The following PARD3B variants were observed in gnomAD, a reference collection of about 807,000 sequenced individuals.
PARD3B encodes the protein partitioning defective 3 homolog B.
A neutral mutation model predicts 130.2 loss-of-function variants in PARD3B; 103 were observed. The observed-to-expected ratio is 0.79, with a 90% CI of 0.67 to 0.93. PARD3B has a LOEUF of 0.93. Ranked by LOEUF, PARD3B falls within the 40% of genes least tolerant of loss-of-function variation. The pLI is 0.00. For synonymous variants in PARD3B, 583 were observed against 553.2 expected, an observed-to-expected ratio of 1.05 and a Z score of -0.76; for missense variants, 1,609 against 1,499.2, an observed-to-expected ratio of 1.07 and a Z score of -1.21.
Position 205,078,453 on chromosome 2 carries a change from C to T in PARD3B, c.505-25973C>T, listed in dbSNP as rs562390272. ...CTTTTTTTCCTGAGTAATTCTGTCT[C>T]TTAATGAATGCTACTTAATCCATTA... On this transcript the variant is annotated intron_variant, in intron 4 of 22. Transcript: ENST00000406610. This position sits in a 1 kb window ranked among gnomAD's most constrained non-coding sequence, Gnocchi z 4.0. 3.3e-5 allele frequency among the ~76,000 whole-genome samples: 5 copies of T among 152,260 alleles called. No individual in the cohort carries two copies. The South Asian group carries it at 8.3e-4, about 25-fold the overall frequency.
intron 4 of PARD3B, among the ~76,000 whole-genome samples, chr2:205,054,155 A>G (rs759265255): frequency 1.8e-4 from 28 of 151,754 alleles, no homozygotes; most frequent in Non-Finnish European, 3.5e-4. Flanking sequence ...GGTAGGAAAA[A>G]ACCTGAAGCC....
intron 2 of PARD3B, among the ~76,000 whole-genome samples, chr2:204,879,059 T>A (rs1048084593): frequency 1.3e-5 from 2 of 152,216 alleles, no homozygotes; most frequent in African/African-American, 4.8e-5. Context: ...TTTACTCCTA[T>A]AATTGTCATC....
At chr2:205,547,841 A>AACTT (rs765010194) in intron 21 of PARD3B, among the ~76,000 whole-genome samples, 3 of 152,164 alleles carry the variant, frequency 2.0e-5, no homozygotes, top group Non-Finnish European at 4.4e-5. Context: ...GTTATGGCCT[A>AACTT]ACTTAAATCA....
At position 205,186,748 on chromosome 2, in the gene PARD3B, A is replaced by G. The variant is rs529985674; in HGVS notation, c.2024+885A>G. On this transcript the variant is annotated intron_variant, in intron 14 of 22. Transcript: ENST00000406610. ...TGAAGTCAGTTATCTTGCTAACTAC[A>G]GTTTCGTGAACTAGATTGATAATCA... 2.0e-5 allele frequency among the ~76,000 whole-genome samples: 3 copies of G among 152,322 alleles called. No individual in the cohort carries two copies. The South Asian group carries it at 6.2e-4, about 32-fold the overall frequency.
intron 10 of PARD3B, among the ~76,000 whole-genome samples, chr2:205,131,928 C>T (rs1323289054): frequency 6.6e-6 from 1 of 152,094 alleles, no homozygotes; most frequent in African/African-American, 2.4e-5. Flanking sequence ...TGGAATCCGT[C>T]ACACCTGGGT....
intron 2 of PARD3B, among the ~76,000 whole-genome samples, chr2:204,945,049 A>G (rs1349975159): frequency 6.6e-6 from 1 of 152,318 alleles, no homozygotes; most frequent in East Asian, 1.9e-4. Context: ...ATTTTTGCAT[A>G]GTGTGTCTGT....
chr2:204,601,692 G>A (rs895636795), intron 1 of PARD3B, among the ~76,000 whole-genome samples: 4 of 151,960 alleles, frequency 2.6e-5, no homozygotes, highest in Non-Finnish European at 5.9e-5. Flanking sequence ...CTTGGTGAAA[G>A]TGATTGTCAC....
chr2:205,566,970 T>C (rs2106535443), intron 22 of PARD3B, among the ~76,000 whole-genome samples: 1 of 152,358 alleles, frequency 6.6e-6, no homozygotes, highest in East Asian at 1.9e-4. Context: ...CATCTGGCAT[T>C]CTGTGACTAA....
In PARD3B at chr2:205,604,748, G is replaced by T. The variant is rs545410392; in HGVS notation, c.3261-10708G>T. ...TCTGGATTTCCTGAATTTAAGTGTT[G>T]TCCTGTCTTGTTAGGTTGGGGAAGT... On this transcript the variant is annotated intron_variant, in intron 22 of 22. Coordinates refer to ENST00000406610, the MANE Select transcript of PARD3B (RefSeq NM_001302769.2). Among the ~76,000 whole-genome samples the T allele has an allele frequency of 3.3e-5, 5 of 152,262 alleles. No individual in the cohort carries two copies. The South Asian group carries it at 1.0e-3, about 32-fold the overall frequency.
chr2:204,683,842 T>G (rs1186483591), intron 1 of PARD3B, among the ~76,000 whole-genome samples: 3 of 152,338 alleles, frequency 2.0e-5, no homozygotes, highest in South Asian at 4.1e-4. Context: ...TTGGGTCAAA[T>G]ACATGTTTCC....
At chr2:205,449,896 A>G (rs928207077) in intron 20 of PARD3B, among the ~76,000 whole-genome samples, 1 of 152,218 alleles carries the variant, frequency 6.6e-6, no homozygotes, top group African/African-American at 2.4e-5. Context: ...AAATAATTAC[A>G]ATATAATATG....
intron 2 of PARD3B, among the ~76,000 whole-genome samples, chr2:204,929,272 T>C (rs1381527614): frequency 1.3e-5 from 2 of 152,174 alleles, no homozygotes; most frequent in African/African-American, 2.4e-5. Flanking sequence ...TGTTCACTGC[T>C]AGTTGAATAA....
chr2:204,641,728 A>G (rs2035083654), intron 1 of PARD3B, among the ~76,000 whole-genome samples: 2 of 152,192 alleles, frequency 1.3e-5, no homozygotes, highest in African/African-American at 4.8e-5. Context: ...AATAAAATCC[A>G]TTCTTTGGGA....
intron 2 of PARD3B, among the ~76,000 whole-genome samples, chr2:204,922,255 G>C (rs773495270): frequency 1.8e-4 from 27 of 152,040 alleles, no homozygotes; most frequent in Non-Finnish European, 2.9e-4. Context: ...AGCAAAAAGA[G>C]AAGCAAATAA....
intron 20 of PARD3B, among the ~76,000 whole-genome samples, chr2:205,497,216 A>AG (rs2049961847): frequency 6.6e-6 from 1 of 151,368 alleles, no homozygotes; most frequent in African/African-American, 2.4e-5. Flanking sequence ...AAAAAAAAAA[A>AG]AAAGAAAGAA....
At chr2:205,275,713 T>C (rs1315369236) in intron 16 of PARD3B, among the ~76,000 whole-genome samples, 2 of 151,796 alleles carry the variant, frequency 1.3e-5, no homozygotes, top group Non-Finnish European at 2.9e-5. Context: ...GGCAGGCACC[T>C]GTAATCCCAG....
intron 2 of PARD3B, among the ~76,000 whole-genome samples, chr2:204,782,604 C>T (rs1276211528): frequency 6.6e-6 from 1 of 151,380 alleles, no homozygotes; most frequent in Non-Finnish European, 1.5e-5. Context: ...TATTAAGACA[C>T]TCCTTGTTGT....
intron 2 of PARD3B, among the ~76,000 whole-genome samples, chr2:204,904,982 A>G (rs1193400373): frequency 6.6e-6 from 1 of 152,210 alleles, no homozygotes; most frequent in Non-Finnish European, 1.5e-5. Flanking sequence ...ATAAAATTAA[A>G]GACTTGGGAA....
At chr2:204,761,328 A>C (rs765021795) in intron 2 of PARD3B, among the ~76,000 whole-genome samples, 1 of 152,212 alleles carries the variant, frequency 6.6e-6, no homozygotes, top group Non-Finnish European at 1.5e-5. Flanking sequence ...CCTTGTTAGA[A>C]TACAGATCAC....
Sources: gnomAD v4.1 joint callset for allele counts (sites outside exome capture counted in the v4.1 genomes callset) on GRCh38, gnomAD v4.1.1 for gene constraint, Gnocchi (gnomAD v3.1) non-coding constraint, MANE v1.5 for transcripts, NCBI Gene and HGNC (gene_info 2026-07-23, HGNC 2026-07-21) for gene names.